The following STX7 variants were observed in gnomAD, a reference collection of about 807,000 sequenced individuals.
STX7 encodes syntaxin-7.
Under a neutral mutation model 39.6 loss-of-function variants are expected in STX7, and 34 were observed. That is an observed-to-expected ratio of 0.86 (90% CI 0.65 to 1.14). STX7 has a LOEUF of 1.14. STX7 is among the 50% of genes most tolerant of loss of function. The pLI is 0.00. For missense variants in STX7, 284 were observed against 310.4 expected (o/e 0.92, Z 0.64); for synonymous variants, 119 against 99.1 (o/e 1.20, Z -1.19).
chr6:132,477,511 T>A (rs1359168233), intron 2 of STX7, among the ~76,000 whole-genome samples: 2 of 152,058 alleles, frequency 1.3e-5, no homozygotes, highest in Non-Finnish European at 2.9e-5. Flanking sequence ...TCCCAGCATA[T>A]AGCAAAATAC....
intron 2 of STX7, among the ~76,000 whole-genome samples, chr6:132,488,015 A>G (rs570684022): frequency 4.8e-4 from 73 of 152,278 alleles, no homozygotes; most frequent in African/African-American, 1.7e-3. Context: ...CTTCTTTTCT[A>G]ATACAGGTGT....
intron 2 of STX7, among the ~76,000 whole-genome samples, chr6:132,502,670 C>T (rs745727646): frequency 1.3e-5 from 2 of 152,114 alleles, no homozygotes; most frequent in African/African-American, 2.4e-5. Context: ...GAGGCTGAGG[C>T]GGGAGGATCA....
chr6:132,503,374 C>T (rs1473220689), intron 2 of STX7, 72 bp downstream of exon 2: 1 of 1,346,614 alleles, frequency 7.4e-7, no homozygotes, highest in Non-Finnish European at 1.1e-6. Context: ...CAGAGTTGTC[C>T]TTTTATGAAC....
rs1774161362 is a variant in STX7, at chr6:132,452,833, C to G, written c.*7925G>C. On this transcript the variant is annotated 3_prime_UTR_variant, in exon 10 of 10. Transcript: ENST00000367941. ...ATTGATGTATAGGTATAACATAGTTCCTGTCAAAATCCCAGTAAGATATTT... is the reference window on the plus strand; with the variant it reads ...ATTGATGTATAGGTATAACATAGTTGCTGTCAAAATCCCAGTAAGATATTT... The G allele has an allele frequency of 6.6e-6, 1 of 152,014 alleles. No homozygotes were observed. The highest frequency in any genetic ancestry group is 1.9e-4 in the East Asian group (1 of 5,200). The allele number at this position is 152,014 out of a possible 1,614,324, so 9.4% of individuals were successfully genotyped here.
intron 2 of STX7, among the ~76,000 whole-genome samples, chr6:132,484,909 T>C (rs779103693): frequency 6.6e-5 from 10 of 152,296 alleles, no homozygotes; most frequent in African/African-American, 2.4e-4. Context: ...GAGAACAATA[T>C]AGGTAGGCAC....
Position 132,494,423 on chromosome 6 carries a change from C to A in STX7, c.85+9023G>T, listed in dbSNP as rs144488134. 6.5e-3 allele frequency among the ~76,000 whole-genome samples: 981 copies of A among 151,626 alleles called. 17 individuals carry two copies. The highest frequency in any genetic ancestry group is 0.022 in the African/African-American group (908 of 41,318). On this transcript the variant is annotated intron_variant, in intron 2 of 9. Coordinates refer to ENST00000367941, the MANE Select transcript of STX7 (RefSeq NM_003569.3). The stretch of plus-strand genomic sequence containing the variant: ...AGTACTTTAATTTACTGATAAAAGG[C>A]AATATAAAAACAAAACAGGTTAATG...
intron 1 of STX7, among the ~76,000 whole-genome samples, chr6:132,506,685 G>A (rs1458094530): frequency 1.3e-5 from 2 of 152,118 alleles, no homozygotes; most frequent in African/African-American, 4.8e-5. Context: ...CACACTGTTG[G>A]TGAGACTGTA....
rs544719061 is a variant in STX7 at position 132,479,567 on chromosome 6, T to C, written c.86-3905A>G. On this transcript the variant is annotated intron_variant, in intron 2 of 9. Transcript: ENST00000367941. Reference sequence around the variant, plus strand: ...CAGCCTTTCTACATTTTGCTCTACGTATGTCAGTCAGCCTATCCCTCACCC... The same window carrying C: ...CAGCCTTTCTACATTTTGCTCTACGCATGTCAGTCAGCCTATCCCTCACCC... Among the ~76,000 whole-genome samples the C allele has an allele frequency of 2.6e-5, 4 of 152,300 alleles. No homozygotes were observed. The South Asian group carries it at 8.3e-4, about 32-fold the overall frequency.
chr6:132,490,099 C>T (rs1387662922), intron 2 of STX7, among the ~76,000 whole-genome samples: 2 of 152,200 alleles, frequency 1.3e-5, no homozygotes, highest in Non-Finnish European at 2.9e-5. Flanking sequence ...GAAGCAACAA[C>T]GGTTCCATAA....
At chr6:132,492,168 A>G (rs1775306120) in intron 2 of STX7, among the ~76,000 whole-genome samples, 1 of 152,062 alleles carries the variant, frequency 6.6e-6, no homozygotes, top group East Asian at 1.9e-4. Context: ...CTTAACTCTG[A>G]GGGCCCATGG....
rs199798662 is a variant in STX7 at position 132,509,452 on chromosome 6, A to AATAACATAAC, written c.-59+3545_-59+3554dup. On this transcript the variant is annotated intron_variant, in intron 1 of 9. Transcript: ENST00000367941. Reference sequence around the variant, plus strand: ...GGCGACAGAGCGAGACTCGTCTCAAAATAACATAACATAACATAACATAAC... The same window carrying AATAACATAAC: ...GGCGACAGAGCGAGACTCGTCTCAAAATAACATAACATAACATAACATAACATAACATAAC... Among the ~76,000 whole-genome samples the AATAACATAAC allele has an allele frequency of 6.7e-3, 67 of 9,960 alleles. 1 individual carries two copies. The highest frequency in any genetic ancestry group is 0.25 in the Middle Eastern group (1 of 4). 6.5% of individuals were successfully genotyped at this position (9,960 alleles called of 152,430 possible). A position where few individuals can be genotyped will look rare whatever the true frequency, so the allele number is the denominator to read the frequency against.
chr6:132,451,600 G>C lies in STX7; in HGVS notation c.*9158C>G, dbSNP rs1774137720. 1 of 152,142 alleles carries C rather than the reference G, an allele frequency of 6.6e-6. No homozygotes were observed. The highest frequency in any genetic ancestry group is 2.4e-5 in the African/African-American group (1 of 41,442). 9.4% of individuals were successfully genotyped at this position (152,142 alleles called of 1,614,324 possible). A position where few individuals can be genotyped will look rare whatever the true frequency, so the allele number is the denominator to read the frequency against. On this transcript the variant is annotated 3_prime_UTR_variant, in exon 10 of 10. Coordinates refer to ENST00000367941, the MANE Select transcript of STX7 (RefSeq NM_003569.3). ...TCTAAACAGAAAGGAAATGATAAAT[G>C]AAGGAGTTTTGGAATATCAGACATC...
At position 132,507,385 on chromosome 6, in the gene STX7, A is replaced by G. The variant is rs539573666; in HGVS notation, c.-58-3797T>C. 4.6e-5 allele frequency among the ~76,000 whole-genome samples: 7 copies of G among 152,362 alleles called. No individual in the cohort carries two copies. The South Asian group carries it at 1.4e-3, about 32-fold the overall frequency. ...CAAGCCAATGGTTTTTAATATATTT[A>G]CAACATTGTACAATCATCACTTTTA... On this transcript the variant is annotated intron_variant, in intron 1 of 9. Coordinates refer to ENST00000367941, the MANE Select transcript of STX7 (RefSeq NM_003569.3).
intron 2 of STX7, among the ~76,000 whole-genome samples, chr6:132,501,961 C>T (rs541943930): frequency 4.6e-5 from 7 of 151,980 alleles, no homozygotes; most frequent in South Asian, 2.1e-4. Context: ...GCAGAGCCAA[C>T]GCCGGTGGCC....
At chr6:132,504,690 CAT>C (rs1275300559) in intron 1 of STX7, among the ~76,000 whole-genome samples, 1 of 152,096 alleles carries the variant, frequency 6.6e-6, no homozygotes, top group Non-Finnish European at 1.5e-5. Flanking sequence ...TCAAGTTTGT[CAT>C]TTAGGAGGAA....
chr6:132,463,532 C>T (rs1774474254), intron 9 of STX7, among the ~76,000 whole-genome samples: 2 of 152,134 alleles, frequency 1.3e-5, no homozygotes, highest in Non-Finnish European at 2.9e-5. Flanking sequence ...AGTGACACTC[C>T]AAGCTAATAT....
chr6:132,481,955 A>G (rs1265592189), intron 2 of STX7, among the ~76,000 whole-genome samples: 12 of 152,170 alleles, frequency 7.9e-5, no homozygotes, highest in Admixed American at 7.9e-4. Flanking sequence ...TCAGACCTAC[A>G]CTGAAATGAT....
At chr6:132,461,363 G>A (rs1774393996) in intron 9 of STX7, among the ~76,000 whole-genome samples, 1 of 151,974 alleles carries the variant, frequency 6.6e-6, no homozygotes, top group Non-Finnish European at 1.5e-5. Flanking sequence ...CTGGAGTGCA[G>A]TGGCACAATC....
chr6:132,512,764 C>G (rs1214632682), intron 1 of STX7, among the ~76,000 whole-genome samples: 5 of 152,278 alleles, frequency 3.3e-5, no homozygotes, highest in African/African-American at 1.2e-4. Context: ...CACCTGACCA[C>G]AGCCGCGCGC....
Sources: gnomAD v4.1 joint callset for allele counts (sites outside exome capture counted in the v4.1 genomes callset) on GRCh38, gnomAD v4.1.1 for gene constraint, MANE v1.5 for transcripts, NCBI Gene and HGNC (gene_info 2026-07-23, HGNC 2026-07-21) for gene names.